CACNA1E: variants seen among roughly 807,000 people sequenced by gnomAD.
CACNA1E encodes voltage-dependent R-type calcium channel subunit alpha-1E.
CACNA1E carries 40 observed loss-of-function variants against 259.2 expected under a neutral mutation model. The ratio of observed to expected loss-of-function variants is 0.15; its 90% CI spans 0.12 to 0.20. The LOEUF is 0.20. CACNA1E is among the 10% of genes least tolerant of loss of function. The pLI, the probability that CACNA1E is intolerant of heterozygous loss-of-function variation, is 1.00. For missense variants in CACNA1E, 1,874 were observed against 3,040.1 expected (o/e 0.62, Z 9.02); for synonymous variants, 1,104 against 1,138.5 (o/e 0.97, Z 0.61).
intron 1 of CACNA1E, among the ~76,000 whole-genome samples, chr1:181,360,780 C>T (rs1653805554): frequency 6.6e-6 from 1 of 152,192 alleles, no homozygotes; most frequent in Admixed American, 6.5e-5. Flanking sequence ...AAAACCCTCA[C>T]AATCTTCTGG....
chr1:181,556,273 G>A (rs1429408830), intron 3 of CACNA1E, among the ~76,000 whole-genome samples: 2 of 152,174 alleles, frequency 1.3e-5, no homozygotes, highest in Non-Finnish European at 2.9e-5. Flanking sequence ...AGCACACCTT[G>A]GTGAGGGGTT....
At chr1:181,704,158 A>G (rs1652557815) in intron 7 of CACNA1E, among the ~76,000 whole-genome samples, 1 of 152,168 alleles carries the variant, frequency 6.6e-6, no homozygotes, top group South Asian at 2.1e-4. Context: ...CCTTTCTGGA[A>G]CAAGTCAAGG....
intron 2 of CACNA1E, among the ~76,000 whole-genome samples, chr1:181,448,556 G>A (rs764625277): frequency 6.6e-6 from 1 of 152,132 alleles, no homozygotes; most frequent in Non-Finnish European, 1.5e-5. Context: ...GTTTCCTCCA[G>A]GTTCGTTATA....
intron 6 of CACNA1E, among the ~76,000 whole-genome samples, chr1:181,633,495 C>G (rs1408173697): frequency 6.6e-6 from 1 of 151,896 alleles, no homozygotes; most frequent in Non-Finnish European, 1.5e-5. Context: ...TCAGACTACA[C>G]TTTTTTATTT....
At chr1:181,699,383 A>C (rs1652011469) in intron 7 of CACNA1E, among the ~76,000 whole-genome samples, 1 of 152,206 alleles carries the variant, frequency 6.6e-6, no homozygotes, top group African/African-American at 2.4e-5. Context: ...AATGTGGTAG[A>C]GTGCAGCAGG....
intron 35 of CACNA1E, among the ~76,000 whole-genome samples, chr1:181,769,004 C>T (rs113690781): frequency 3.8e-4 from 58 of 152,304 alleles, no homozygotes; most frequent in African/African-American, 1.3e-3. Context: ...GCAGAAGAAT[C>T]GGAAGTTCGA....
chr1:181,806,107 G>C lies in CACNA1E; in HGVS notation c.*7273G>C, dbSNP rs768617194. ...CAGACCTGGGAGATGGAGAGAAAGAGGTTCTTGCTTTAAAGCGGCTCGAAG... is the reference window on the plus strand; with the variant it reads ...CAGACCTGGGAGATGGAGAGAAAGACGTTCTTGCTTTAAAGCGGCTCGAAG... On this transcript the variant is annotated 3_prime_UTR_variant, in exon 48 of 48. Coordinates refer to ENST00000367573, the MANE Select transcript of CACNA1E (RefSeq NM_001205293.3). 1 of 152,226 alleles carries C rather than the reference G, an allele frequency of 6.6e-6. No homozygotes were observed. The highest frequency in any genetic ancestry group is 2.4e-5 in the African/African-American group (1 of 41,446). The allele number at this position is 152,226 out of a possible 1,614,324, so 9.4% of individuals were successfully genotyped here. A position where few individuals can be genotyped will look rare whatever the true frequency, so the allele number is the denominator to read the frequency against.
intron 1 of CACNA1E, among the ~76,000 whole-genome samples, chr1:181,319,835 C>T (rs1650207126): frequency 6.6e-6 from 1 of 152,190 alleles, no homozygotes; most frequent in South Asian, 2.1e-4. Flanking sequence ...CATCGTTTTT[C>T]CTGACTCAGA....
At chr1:181,550,888 T>C (rs899014899) in intron 3 of CACNA1E, among the ~76,000 whole-genome samples, 3 of 152,120 alleles carry the variant, frequency 2.0e-5, no homozygotes, top group African/African-American at 7.2e-5. Flanking sequence ...GCCTTAATTT[T>C]AGCAAGGCTC....
At chr1:181,577,995 T>C (rs2102969179) in intron 4 of CACNA1E, 126 bp downstream of exon 4, 1 of 554,428 alleles carries the variant, frequency 1.8e-6, no homozygotes, top group East Asian at 3.1e-5. Flanking sequence ...TCAGTGGTAA[T>C]AAATAGTGGA....
intron 6 of CACNA1E, among the ~76,000 whole-genome samples, chr1:181,588,146 G>A (rs989513814): frequency 5.9e-5 from 9 of 152,192 alleles, no homozygotes; most frequent in African/African-American, 1.9e-4. Context: ...CCACTCCCAG[G>A]GTGTCTGGTC....
intron 2 of CACNA1E, among the ~76,000 whole-genome samples, chr1:181,446,787 A>T (rs1660817986): frequency 1.3e-5 from 2 of 152,128 alleles, no homozygotes; most frequent in East Asian, 1.9e-4. Context: ...TGTTTCACTG[A>T]GAAAGCTCTT....
intron 6 of CACNA1E, among the ~76,000 whole-genome samples, chr1:181,588,049 A>C (rs1010685826): frequency 1.3e-5 from 2 of 152,138 alleles, no homozygotes; most frequent in Non-Finnish European, 2.9e-5. Context: ...CCCCCAGTGG[A>C]AGGAGAGTGA....
intron 7 of CACNA1E, among the ~76,000 whole-genome samples, chr1:181,707,270 A>G (rs1379266782): frequency 6.6e-6 from 1 of 152,234 alleles, no homozygotes; most frequent in Non-Finnish European, 1.5e-5. Flanking sequence ...AGGTACTCCC[A>G]GTGGTGCACA....
intron 8 of CACNA1E, among the ~76,000 whole-genome samples, chr1:181,712,480 T>C (rs1653469587): frequency 6.6e-6 from 1 of 152,156 alleles, no homozygotes; most frequent in South Asian, 2.1e-4. Flanking sequence ...ACACTTACTG[T>C]GACTGCCAAC....
intron 2 of CACNA1E, among the ~76,000 whole-genome samples, chr1:181,458,404 C>A (rs142739382): frequency 6.6e-6 from 1 of 152,146 alleles, no homozygotes; most frequent in African/African-American, 2.4e-5. Context: ...GCCTTTGTTA[C>A]GGCCATTTCA....
At chr1:181,361,584 A>G (rs1377551519) in intron 1 of CACNA1E, among the ~76,000 whole-genome samples, 1 of 152,142 alleles carries the variant, frequency 6.6e-6, no homozygotes, top group East Asian at 1.9e-4. Context: ...TCATGCCCCC[A>G]TAGTCACCCC....
In CACNA1E at chr1:181,762,589, A is replaced by G; in HGVS notation, c.4621A>G (p.Thr1541Ala). 1 of 1,607,542 alleles carries G rather than the reference A, an allele frequency of 6.2e-7. No individual in the cohort carries two copies. The highest frequency in any genetic ancestry group is 8.5e-7 in the Non-Finnish European group (1 of 1,174,826). ...CATTTGGCAGAACTATTTCCGAGACACCTGGAATATCTTTGACTTCATCAC... is the reference window on the plus strand; with the variant it reads ...CATTTGGCAGAACTATTTCCGAGACGCCTGGAATATCTTTGACTTCATCAC... The part of the protein sequence containing the change: ...AFGFLNYFRD[T>A]WNIFDFITVI... The change falls in exon 33 of 48, where the codon ACC becomes GCC. Residue 1541 changes from threonine to alanine, a missense_variant. Physicochemically the swap from Thr to Ala is moderately conservative, Grantham distance 58. Transcript: ENST00000367573.
At position 181,796,778 on chromosome 1, in the gene CACNA1E, A is replaced by G; in HGVS notation, c.6319A>G (p.Thr2107Ala). Residue 2107 changes from threonine (T) to alanine (A), a missense_variant, in exon 47 of 48, where the codon ACC becomes GCC. Coordinates refer to ENST00000367573, the MANE Select transcript of CACNA1E (RefSeq NM_001205293.3). ...CCGCTGCAATTCAGAAGAGCGAGGG[A>G]CCCAGGCTGACTGGGAGTCCCCAGA... ...VSRCNSEERGTQADWESPERR... is the reference protein window; with the variant it reads ...VSRCNSEERGAQADWESPERR... 1 of 1,612,470 alleles carries G rather than the reference A, an allele frequency of 6.2e-7. No homozygotes were observed. The highest frequency in any genetic ancestry group is 8.5e-7 in the Non-Finnish European group (1 of 1,179,276).
Sources: gnomAD v4.1 joint callset for allele counts (sites outside exome capture counted in the v4.1 genomes callset) on GRCh38, gnomAD v4.1.1 for gene constraint, MANE v1.5 for transcripts, NCBI Gene and HGNC (gene_info 2026-07-23, HGNC 2026-07-21) for gene names.